The following LRRC4C variants were observed in gnomAD, a reference collection of about 807,000 sequenced individuals.
The protein encoded by LRRC4C is leucine rich repeat containing 4C.
LRRC4C carries 5 observed loss-of-function variants against 33.6 expected under a neutral mutation model. The observed-to-expected ratio is 0.15, with a 90% CI of 0.08 to 0.31. The LOEUF is 0.31. Among genes scored for constraint, LRRC4C ranks in the 10% least tolerant of loss-of-function variants. LRRC4C has a pLI of 1.00. For missense variants in LRRC4C, 560 were observed against 796.7 expected (o/e 0.70, Z 3.58); for synonymous variants, 329 against 302.0 (o/e 1.09, Z -0.93).
chr11:40,158,473 C>T (rs1858893072), intron 5 of LRRC4C, among the ~76,000 whole-genome samples: 1 of 150,960 alleles, frequency 6.6e-6, no homozygotes, highest in Non-Finnish European at 1.5e-5. Flanking sequence ...TTATGGTATG[C>T]AATTGGGTCT....
At chr11:40,416,397 G>T (rs1222242879) in intron 3 of LRRC4C, among the ~76,000 whole-genome samples, 1 of 152,126 alleles carries the variant, frequency 6.6e-6, no homozygotes, top group Non-Finnish European at 1.5e-5. Context: ...AGATGCTCCA[G>T]GCAGAGGGTC....
At chr11:40,153,634 G>GAA (rs1858415363) in intron 5 of LRRC4C, among the ~76,000 whole-genome samples, 1 of 151,586 alleles carries the variant, frequency 6.6e-6, no homozygotes, top group Non-Finnish European at 1.5e-5. Context: ...CACACTTTTA[G>GAA]AAATGAAAAA....
At chr11:40,734,429 CAG>C (rs1433216696) in intron 2 of LRRC4C, among the ~76,000 whole-genome samples, 2 of 152,148 alleles carry the variant, frequency 1.3e-5, no homozygotes, top group South Asian at 2.1e-4. Flanking sequence ...GATCCAGAGA[CAG>C]AGACAATCAA....
chr11:41,175,529 G>A (rs1945161336), intron 1 of LRRC4C, among the ~76,000 whole-genome samples: 1 of 152,024 alleles, frequency 6.6e-6, no homozygotes, highest in Admixed American at 6.6e-5. Context: ...GAATGTAATA[G>A]TGGCTTGTAA....
chr11:40,280,082 T>C (rs1565223334), intron 4 of LRRC4C, among the ~76,000 whole-genome samples: 1 of 152,202 alleles, frequency 6.6e-6, no homozygotes, highest in Non-Finnish European at 1.5e-5. Context: ...AGGAAACATC[T>C]GGGTGCCAGC....
chr11:40,370,058 C>T (rs1317058613), intron 3 of LRRC4C, among the ~76,000 whole-genome samples: 2 of 152,088 alleles, frequency 1.3e-5, no homozygotes, highest in South Asian at 2.1e-4. Flanking sequence ...AGAATACTTA[C>T]ATCTGCAAGA....
chr11:41,358,207 A>G (rs575976349), intron 1 of LRRC4C, among the ~76,000 whole-genome samples: 1 of 152,268 alleles, frequency 6.6e-6, no homozygotes, highest in South Asian at 2.1e-4. Flanking sequence ...TGTTGAAAAA[A>G]ATAAATCTAT....
intron 4 of LRRC4C, among the ~76,000 whole-genome samples, chr11:40,301,926 G>A (rs775575173): frequency 1.8e-4 from 27 of 152,222 alleles, no homozygotes; most frequent in Non-Finnish European, 2.9e-4. Flanking sequence ...TTATGATATT[G>A]ACACCGAAAT....
At chr11:40,339,610 T>C (rs1946775876) in intron 3 of LRRC4C, among the ~76,000 whole-genome samples, 2 of 152,212 alleles carry the variant, frequency 1.3e-5, no homozygotes, top group South Asian at 4.1e-4. Context: ...ACATACTTAG[T>C]ACATTGAAGC....
chr11:41,247,952 T>G (rs1373408954), intron 1 of LRRC4C, among the ~76,000 whole-genome samples: 1 of 152,076 alleles, frequency 6.6e-6, no homozygotes, highest in Non-Finnish European at 1.5e-5. Flanking sequence ...GATGCCAAAC[T>G]CAATGTCAAA....
intron 1 of LRRC4C, among the ~76,000 whole-genome samples, chr11:41,450,041 T>TA (rs1292329202): frequency 6.6e-6 from 1 of 152,062 alleles, no homozygotes; most frequent in Non-Finnish European, 1.5e-5. Context: ...ACTAAAAATC[T>TA]AAAAAGAAAA....
At chr11:40,808,333 A>G (rs918686306) in intron 2 of LRRC4C, among the ~76,000 whole-genome samples, 7 of 152,106 alleles carry the variant, frequency 4.6e-5, no homozygotes, top group Non-Finnish European at 1.0e-4. Flanking sequence ...TCAGAAATAC[A>G]TGTTCTCCAC....
At chr11:41,408,899 T>C (rs1007020958) in intron 1 of LRRC4C, among the ~76,000 whole-genome samples, 3 of 152,178 alleles carry the variant, frequency 2.0e-5, no homozygotes, top group African/African-American at 7.2e-5. Context: ...TTTTCTTCTG[T>C]AGCCTGGCTG....
chr11:41,401,014 G>A (rs1378528102), intron 1 of LRRC4C, among the ~76,000 whole-genome samples: 2 of 151,778 alleles, frequency 1.3e-5, no homozygotes, highest in African/African-American at 4.8e-5. Flanking sequence ...AGACTACTGA[G>A]CACTATTTTG....
intron 3 of LRRC4C, among the ~76,000 whole-genome samples, chr11:40,452,752 T>A (rs1951947138): frequency 6.6e-6 from 1 of 152,166 alleles, no homozygotes; most frequent in East Asian, 1.9e-4. Flanking sequence ...TGCAGCACTA[T>A]TCACAATAGT....
chr11:41,170,643 A>G lies in LRRC4C; in HGVS notation c.-495-236920T>C, dbSNP rs548273629. Among the ~76,000 whole-genome samples the G allele has an allele frequency of 6.6e-5, 10 of 152,352 alleles. No homozygotes were observed. In the East Asian group the frequency reaches 1.9e-3, roughly 29 times the overall value. ...AGACTTAAATGTTAGACCTAAAACC[A>G]TAAAAATCCTAGAAGAAAACCTAGG... On this transcript the variant is annotated intron_variant, in intron 1 of 6. Coordinates refer to ENST00000528697, the MANE Select transcript of LRRC4C (RefSeq NM_001258419.2).
At chr11:41,016,476 A>T (rs1855591962) in intron 1 of LRRC4C, among the ~76,000 whole-genome samples, 1 of 152,240 alleles carries the variant, frequency 6.6e-6, no homozygotes, top group Non-Finnish European at 1.5e-5. Flanking sequence ...TTACTTTCCC[A>T]ACCACAAATA....
intron 1 of LRRC4C, among the ~76,000 whole-genome samples, chr11:41,178,119 T>C (rs1277975325): frequency 6.6e-6 from 1 of 152,204 alleles, no homozygotes; most frequent in Non-Finnish European, 1.5e-5. Context: ...CCAGTTACCA[T>C]ATGTTGGCCT....
intron 1 of LRRC4C, among the ~76,000 whole-genome samples, chr11:40,988,531 T>C (rs1453451604): frequency 6.6e-6 from 1 of 152,034 alleles, no homozygotes; most frequent in African/African-American, 2.4e-5. Flanking sequence ...TTTGCTAATA[T>C]GCATGGGTAT....
Sources: allele counts gnomAD v4.1 joint callset (sites outside exome capture counted in the v4.1 genomes callset), GRCh38; gene constraint gnomAD v4.1.1; transcripts MANE v1.5; gene names NCBI Gene and HGNC (gene_info 2026-07-23, HGNC 2026-07-21).